FARP1: variants seen among roughly 807,000 people sequenced by gnomAD.
The protein encoded by FARP1 is FERM, ARHGEF and pleckstrin domain-containing protein 1.
Under a neutral mutation model 128.8 loss-of-function variants are expected in FARP1, and 52 were observed. The ratio of observed to expected loss-of-function variants is 0.40; its 90% CI spans 0.32 to 0.51. FARP1 has a LOEUF of 0.51. FARP1 is among the 20% of genes least tolerant of loss of function. The pLI is 0.45. For synonymous variants in FARP1, 580 were observed against 551.8 expected, an observed-to-expected ratio of 1.05 and a Z score of -0.72; for missense variants, 1,333 against 1,367.9, an observed-to-expected ratio of 0.97 and a Z score of 0.40.
intron 1 of FARP1, among the ~76,000 whole-genome samples, chr13:98,169,167 T>TCC (rs988733067): frequency 1.3e-5 from 2 of 152,136 alleles, no homozygotes; most frequent in Non-Finnish European, 2.9e-5. Context: ...GCCATTCAGT[T>TCC]CCCCCATCAT....
At chr13:98,166,926 C>T (rs1877307375) in intron 1 of FARP1, among the ~76,000 whole-genome samples, 1 of 152,016 alleles carries the variant, frequency 6.6e-6, no homozygotes, top group Non-Finnish European at 1.5e-5. Flanking sequence ...TGGGTTTTGC[C>T]ATGTGTCCCA....
At chr13:98,161,283 T>C (rs1307027813) in intron 1 of FARP1, among the ~76,000 whole-genome samples, 1 of 151,208 alleles carries the variant, frequency 6.6e-6, no homozygotes, top group Non-Finnish European at 1.5e-5. Context: ...TGGTGTGATC[T>C]CAGCTCACTG....
rs375563169 is a variant in FARP1 at position 98,186,936 on chromosome 13, G to A, written c.-23-26284G>A. Among the ~76,000 whole-genome samples, 7 of 137,056 alleles carry A rather than the reference G, an allele frequency of 5.1e-5. No individual in the cohort carries two copies. In the East Asian group the frequency reaches 7.2e-4, roughly 14 times the overall value. 89.9% of individuals were successfully genotyped at this position (137,056 alleles called of 152,430 possible). A position where few individuals can be genotyped will look rare whatever the true frequency, so the allele number is the denominator to read the frequency against. Reference sequence around the variant, plus strand: ...GAACCCAGGAGTTAGAGGTTGCAGTGAGCCAAGATCGCGCCACTGCACTCT... The same window carrying A: ...GAACCCAGGAGTTAGAGGTTGCAGTAAGCCAAGATCGCGCCACTGCACTCT... On this transcript the variant is annotated intron_variant, in intron 1 of 26. Coordinates refer to ENST00000319562, the MANE Select transcript of FARP1 (RefSeq NM_005766.4).
intron 16 of FARP1, among the ~76,000 whole-genome samples, chr13:98,421,398 A>T (rs2140144331): frequency 6.6e-6 from 1 of 152,124 alleles, no homozygotes. Context: ...GAGAGAGAGG[A>T]TATTGCTTGT....
chr13:98,395,980 A>G (rs1594486328), intron 13 of FARP1: 1 of 398,846 alleles, frequency 2.5e-6, no homozygotes, highest in Non-Finnish European at 4.4e-6. Context: ...GGGAGAAGAC[A>G]CTCTCCCGGA....
chr13:98,414,620 G>A (rs1020993407), intron 16 of FARP1, among the ~76,000 whole-genome samples: 2 of 152,218 alleles, frequency 1.3e-5, no homozygotes, highest in African/African-American at 4.8e-5. Flanking sequence ...GAGTCTCTGA[G>A]GGGTAGAACC....
chr13:98,287,245 T>G, intron 2 of FARP1, among the ~76,000 whole-genome samples: 1 of 74,930 alleles, frequency 1.3e-5, no homozygotes, highest in East Asian at 4.4e-4. Flanking sequence ...TTTTTTTTTT[T>G]TTTGAGATGG....
intron 2 of FARP1, among the ~76,000 whole-genome samples, chr13:98,248,047 G>T (rs140705481): frequency 0.017 from 2,546 of 152,154 alleles, 42 homozygotes; most frequent in Non-Finnish European, 0.03. Context: ...AAAAACCTTC[G>T]CAGCCTCTCT....
chr13:98,415,345 C>A (rs1202187861), intron 16 of FARP1, among the ~76,000 whole-genome samples: 1 of 152,234 alleles, frequency 6.6e-6, no homozygotes, highest in Admixed American at 6.5e-5. Flanking sequence ...TCTGACAGTG[C>A]TAACAGTCTA....
chr13:98,238,314 G>A (rs1338575480), intron 2 of FARP1, among the ~76,000 whole-genome samples: 1 of 152,184 alleles, frequency 6.6e-6, no homozygotes, highest in Non-Finnish European at 1.5e-5. Context: ...TGTTGAGGAT[G>A]AACCCTTATG....
In FARP1 at chr13:98,385,738, G is replaced by A. The variant is rs1261664807; in HGVS notation, c.683G>A (p.Arg228Gln). The change falls in exon 8 of 27, where the codon CGG (arginine) becomes CAG (glutamine). Residue 228 changes from arginine (R) to glutamine (Q), a missense_variant. By Grantham distance (43) the Arg-to-Gln change is conservative (BLOSUM62 1). Around this residue, in one of 2 missense-constraint regions of FARP1, gnomAD observed 324 missense variants for 398.1 expected, o/e 0.81. Transcript: ENST00000319562. ...CGTCGGCTAGAGATGTATGGAATCCGGTTGCACCCGGCCAAGGACAGGGAA... is the reference window on the plus strand; with the variant it reads ...CGTCGGCTAGAGATGTATGGAATCCAGTTGCACCCGGCCAAGGACAGGGAA... Reference protein sequence around the residue: ...IARRLEMYGIRLHPAKDREGT... With the variant: ...IARRLEMYGIQLHPAKDREGT... The A allele has an allele frequency of 3.1e-6, 5 of 1,614,156 alleles. No homozygotes were observed. The highest frequency in any genetic ancestry group is 1.7e-5 in the Admixed American group (1 of 60,024).
chr13:98,310,693 G>T (rs1280118663), intron 2 of FARP1, among the ~76,000 whole-genome samples: 1 of 152,102 alleles, frequency 6.6e-6, no homozygotes, highest in African/African-American at 2.4e-5. Context: ...GGTGGGTGGT[G>T]GTGGGTGGTG....
intron 2 of FARP1, among the ~76,000 whole-genome samples, chr13:98,223,744 G>T (rs1881573340): frequency 6.6e-6 from 1 of 152,220 alleles, no homozygotes; most frequent in Admixed American, 6.5e-5. Context: ...GAAGTTGATT[G>T]CTTGGTTTCA....
At chr13:98,251,106 C>T (rs956727689) in intron 2 of FARP1, among the ~76,000 whole-genome samples, 6 of 152,176 alleles carry the variant, frequency 3.9e-5, no homozygotes, top group Non-Finnish European at 8.8e-5. Flanking sequence ...GAATAAGGCA[C>T]ATACATGTGT....
intron 2 of FARP1, among the ~76,000 whole-genome samples, chr13:98,250,114 C>G (rs548893782): frequency 2.0e-5 from 3 of 152,272 alleles, no homozygotes; most frequent in African/African-American, 4.8e-5. Flanking sequence ...TTTCTGAACA[C>G]CAAACATTGG....
chr13:98,202,455 A>G (rs1396374174), intron 1 of FARP1, among the ~76,000 whole-genome samples: 1 of 152,224 alleles, frequency 6.6e-6, no homozygotes, highest in Non-Finnish European at 1.5e-5. Context: ...TCTTCTTTGA[A>G]TAACACGTTT....
At chr13:98,357,758 C>T (rs1033804944) in intron 3 of FARP1, among the ~76,000 whole-genome samples, 1 of 152,152 alleles carries the variant, frequency 6.6e-6, no homozygotes, top group African/African-American at 2.4e-5. Context: ...TTTCCTGCTT[C>T]TTGTACCTGA....
At chr13:98,248,739 T>C (rs1268095425) in intron 2 of FARP1, among the ~76,000 whole-genome samples, 1 of 152,054 alleles carries the variant, frequency 6.6e-6, no homozygotes, top group African/African-American at 2.4e-5. Flanking sequence ...TCTGCCTTCT[T>C]GTCTCAGCTC....
At chr13:98,253,822 C>A (rs1883465255) in intron 2 of FARP1, among the ~76,000 whole-genome samples, 1 of 152,150 alleles carries the variant, frequency 6.6e-6, no homozygotes, top group African/African-American at 2.4e-5. Flanking sequence ...TTTAGGTTTG[C>A]TGTAATGAAG....
Sources: allele counts gnomAD v4.1 joint callset (sites outside exome capture counted in the v4.1 genomes callset), GRCh38; gene constraint gnomAD v4.1.1; regional missense constraint gnomAD v4.1.1; transcripts MANE v1.5; gene names NCBI Gene and HGNC (gene_info 2026-07-23, HGNC 2026-07-21).